The following THSD7B variants were observed in gnomAD, a reference collection of about 807,000 sequenced individuals.
The protein encoded by THSD7B is thrombospondin type-1 domain-containing protein 7B.
A neutral mutation model predicts 213.6 loss-of-function variants in THSD7B; 138 were observed. That is an observed-to-expected ratio of 0.65 (90% CI 0.56 to 0.74). The LOEUF (loss-of-function observed/expected upper bound fraction) is 0.74. THSD7B is among the 30% of genes least tolerant of loss of function. The pLI, the probability that THSD7B is intolerant of heterozygous loss-of-function variation, is 0.00. For missense variants in THSD7B, 1,931 were observed against 1,991.5 expected (o/e 0.97, Z 0.58); for synonymous variants, 742 against 687.0 (o/e 1.08, Z -1.25).
intron 12 of THSD7B, among the ~76,000 whole-genome samples, chr2:137,378,227 A>T (rs76060837): frequency 6.6e-6 from 1 of 152,170 alleles, no homozygotes; most frequent in Non-Finnish European, 1.5e-5. Context: ...ACAATGTCTT[A>T]AAGAATATGA....
At chr2:137,303,712 ATATT>A (rs1410173013) in intron 12 of THSD7B, among the ~76,000 whole-genome samples, 1 of 139,796 alleles carries the variant, frequency 7.2e-6, no homozygotes, top group Non-Finnish European at 1.5e-5. Flanking sequence ...ATTTATATAT[ATATT>A]TATATATATA....
intron 2 of THSD7B, among the ~76,000 whole-genome samples, chr2:136,912,115 C>A (rs372786629): frequency 6.6e-6 from 1 of 151,922 alleles, no homozygotes; most frequent in African/African-American, 2.4e-5. Flanking sequence ...GAGTTCTAGA[C>A]CAGCCTGGGC....
intron 12 of THSD7B, among the ~76,000 whole-genome samples, chr2:137,402,181 T>C (rs1686382871): frequency 6.6e-6 from 1 of 152,212 alleles, no homozygotes; most frequent in Non-Finnish European, 1.5e-5. Context: ...TGATACTCAT[T>C]TTAAAGATGA....
intron 20 of THSD7B, among the ~76,000 whole-genome samples, chr2:137,621,069 C>A (rs1037322168): frequency 6.6e-6 from 1 of 152,288 alleles, no homozygotes; most frequent in East Asian, 1.9e-4. Context: ...ACCACATAAA[C>A]CCCCAAAGCA....
chr2:137,568,851 G>A (rs936762194), intron 16 of THSD7B, among the ~76,000 whole-genome samples: 8 of 152,096 alleles, frequency 5.3e-5, no homozygotes, highest in African/African-American at 1.7e-4. Context: ...CATATCAGCC[G>A]GTATTCTGGA....
At position 136,941,317 on chromosome 2, in the gene THSD7B, C is replaced by T. The variant is rs185259794; in HGVS notation, c.139+59000C>T. Among the ~76,000 whole-genome samples the T allele has an allele frequency of 2.9e-3, 441 of 152,224 alleles. 3 individuals carry two copies. Among genetic ancestry groups the T allele is most frequent in the Middle Eastern group, 0.027 (8 of 294 alleles). On this transcript the variant is annotated intron_variant, in intron 2 of 27. Transcript: ENST00000409968. ...TGTGAATAGTGCCGCAGTAAGCATA[C>T]GTGTTCATGTGTCTTTATAGTAGCA...
At chr2:137,035,010 G>A (rs562395725) in intron 2 of THSD7B, among the ~76,000 whole-genome samples, 6 of 152,276 alleles carry the variant, frequency 3.9e-5, no homozygotes, top group Admixed American at 3.3e-4. Context: ...CTGAGGAACC[G>A]CCACACTGTC....
At position 136,882,800 on chromosome 2, in the gene THSD7B, C is replaced by T. The variant is rs118052615; in HGVS notation, c.139+483C>T. Among the ~76,000 whole-genome samples, 198 of 152,270 alleles carry T rather than the reference C, an allele frequency of 1.3e-3. 1 individual carries two copies. The East Asian group carries it at 0.014, about 11-fold the overall frequency. Reference sequence around the variant, plus strand: ...TGACAGCTTTGCTCATTAGTTGTGACTGCAAAGTCACGTTAATGTATTTTG... The same window carrying T: ...TGACAGCTTTGCTCATTAGTTGTGATTGCAAAGTCACGTTAATGTATTTTG... On this transcript the variant is annotated intron_variant, in intron 2 of 27. Coordinates refer to ENST00000409968, the MANE Select transcript of THSD7B (RefSeq NM_001316349.2).
At chr2:137,375,953 T>C (rs1685644395) in intron 12 of THSD7B, among the ~76,000 whole-genome samples, 1 of 152,206 alleles carries the variant, frequency 6.6e-6, no homozygotes, top group Non-Finnish European at 1.5e-5. Flanking sequence ...AAATCCTTTG[T>C]AGAAAAAGGA....
intron 2 of THSD7B, among the ~76,000 whole-genome samples, chr2:137,051,933 TG>T (rs1181786903): frequency 2.6e-5 from 4 of 152,232 alleles, no homozygotes; most frequent in Non-Finnish European, 4.4e-5. Flanking sequence ...TTATGTTGGG[TG>T]ATGCATGCCC....
chr2:137,423,583 A>G (rs1036895734), intron 14 of THSD7B, among the ~76,000 whole-genome samples: 22 of 152,084 alleles, frequency 1.4e-4, no homozygotes, highest in African/African-American at 5.3e-4. Context: ...TATTTAACGA[A>G]AGAAACTTAT....
At chr2:137,087,517 G>A (rs1450201196) in intron 3 of THSD7B, among the ~76,000 whole-genome samples, 2 of 152,238 alleles carry the variant, frequency 1.3e-5, no homozygotes, top group East Asian at 3.9e-4. Context: ...CAGCGACCAA[G>A]CTGAGAATCA....
Position 137,095,071 on chromosome 2 carries a change from T to G in THSD7B, c.1149T>G (p.Leu383=), listed in dbSNP as rs1558918812. The G allele has an allele frequency of 4.3e-6, 7 of 1,613,876 alleles. No homozygotes were observed. The Middle Eastern group carries it at 6.6e-4, about 152-fold the overall frequency. ...GTGGAAAGGAGTGTCCTGAACTTCT[T>G]GAGAAAGAGGCCTGCATTGTTGAAG... is the stretch of plus-strand genomic sequence containing the variant. ...IGGGKECPEL[L]EKEACIVEGE... Residue 383 remains leucine, a synonymous_variant, in exon 4 of 28, where the codon CTT becomes CTG. Transcript: ENST00000409968.
Position 137,227,101 on chromosome 2 carries a change from TG to T in THSD7B, c.1724-3939del, listed in dbSNP as rs1164971516. 3.3e-5 allele frequency among the ~76,000 whole-genome samples: 5 copies of T among 152,192 alleles called. No homozygotes were observed. In the East Asian group the frequency reaches 9.6e-4, roughly 29 times the overall value. On this transcript the variant is annotated intron_variant, in intron 7 of 27. Coordinates refer to ENST00000409968, the MANE Select transcript of THSD7B (RefSeq NM_001316349.2). ...GGTAACAGAAACTGCTCAATGCGTA[TG>T]GGGCTTTACTTTGGAGTGATTAAAA...
At chr2:137,027,667 A>G (rs1686580651) in intron 2 of THSD7B, among the ~76,000 whole-genome samples, 1 of 152,176 alleles carries the variant, frequency 6.6e-6, no homozygotes, top group African/African-American at 2.4e-5. Flanking sequence ...GTTTCTGTCT[A>G]TCCTGATTAA....
chr2:137,119,983 T>C (rs2104942992), intron 5 of THSD7B, among the ~76,000 whole-genome samples: 1 of 152,294 alleles, frequency 6.6e-6, no homozygotes. Context: ...AATAAAGTCA[T>C]TTGGGTGTGA....
intron 15 of THSD7B, among the ~76,000 whole-genome samples, chr2:137,483,630 G>A (rs569991692): frequency 7.2e-5 from 11 of 152,118 alleles, no homozygotes; most frequent in East Asian, 5.8e-4. Context: ...GCACTGGGGT[G>A]GGGACAATTA....
intron 12 of THSD7B, among the ~76,000 whole-genome samples, chr2:137,363,929 C>T (rs1165400606): frequency 6.6e-6 from 1 of 152,064 alleles, no homozygotes; most frequent in Non-Finnish European, 1.5e-5. Context: ...CTGGCAGAGA[C>T]ACAACAAAAA....
intron 2 of THSD7B, among the ~76,000 whole-genome samples, chr2:137,053,612 A>G (rs917745703): frequency 6.6e-6 from 1 of 152,150 alleles, no homozygotes; most frequent in African/African-American, 2.4e-5. Flanking sequence ...CAAATGCTTT[A>G]AAAGTAAAGA....
Sources: gnomAD v4.1 joint callset for allele counts (sites outside exome capture counted in the v4.1 genomes callset) on GRCh38, gnomAD v4.1.1 for gene constraint, MANE v1.5 for transcripts, NCBI Gene and HGNC (gene_info 2026-07-23, HGNC 2026-07-21) for gene names.